Variants in MSRB3 observed in about 807,000 individuals in gnomAD.
The protein encoded by MSRB3 is methionine-R-sulfoxide reductase B3.
MSRB3 carries 13 observed loss-of-function variants against 21.0 expected under a neutral mutation model. The observed-to-expected ratio is 0.62, with a 90% CI of 0.40 to 0.98. MSRB3 has a LOEUF of 0.98. MSRB3 is among the 50% of genes least tolerant of loss of function. The pLI, the probability that MSRB3 is intolerant of heterozygous loss-of-function variation, is 0.00. For synonymous variants in MSRB3, 87 were observed against 88.6 expected (o/e 0.98, Z 0.10); for missense variants, 199 against 230.3 (o/e 0.86, Z 0.88).
rs1347872083 is a variant in MSRB3, at chr12:65,463,245, C to A, written c.481C>A (p.Pro161Thr). 1 of 1,614,202 alleles carries A rather than the reference C, an allele frequency of 6.2e-7. No homozygotes were observed. Among genetic ancestry groups the A allele is most frequent in the Admixed American group, 1.7e-5 (1 of 60,024 alleles). The change falls in exon 7 of 7, where the codon CCT becomes ACT. Residue 161 changes from proline (P) to threonine (T), a missense_variant. Coordinates refer to ENST00000308259, the MANE Select transcript of MSRB3 (RefSeq NM_001031679.3). ...AAATTCGGCTGCCTTGTCTTTTACACCTGCGGATAGCAGTGGCACCGCCGA... is the reference window on the plus strand; with the variant it reads ...AAATTCGGCTGCCTTGTCTTTTACAACTGCGGATAGCAGTGGCACCGCCGA... ...CINSAALSFTPADSSGTAEGG... is the reference protein window; with the variant it reads ...CINSAALSFTTADSSGTAEGG...
intron 4 of MSRB3, among the ~76,000 whole-genome samples, chr12:65,358,173 A>G (rs1877498287): frequency 6.6e-6 from 1 of 151,882 alleles, no homozygotes; most frequent in Admixed American, 6.6e-5. Context: ...ACTAGAGTAC[A>G]ATGGCATGAT....
At chr12:65,432,886 T>G (rs1300258766) in intron 5 of MSRB3, among the ~76,000 whole-genome samples, 1 of 151,980 alleles carries the variant, frequency 6.6e-6, no homozygotes, top group Non-Finnish European at 1.5e-5. Context: ...TGAGTAAATC[T>G]GAGATAAAGG....
At chr12:65,296,676 C>T (rs1435540186) in intron 1 of MSRB3, among the ~76,000 whole-genome samples, 1 of 152,140 alleles carries the variant, frequency 6.6e-6, no homozygotes, top group Admixed American at 6.5e-5. Flanking sequence ...GGACACTACG[C>T]ACAAAGATGA....
At chr12:65,461,256 T>A (rs1883317577) in intron 6 of MSRB3, among the ~76,000 whole-genome samples, 1 of 152,218 alleles carries the variant, frequency 6.6e-6, no homozygotes, top group Non-Finnish European at 1.5e-5. Flanking sequence ...GTGTTTCCTG[T>A]GTCCGTTGGG....
At chr12:65,355,502 C>T (rs1204172280) in intron 4 of MSRB3, among the ~76,000 whole-genome samples, 2 of 151,856 alleles carry the variant, frequency 1.3e-5, no homozygotes, top group Non-Finnish European at 2.9e-5. Context: ...CATTATCTTG[C>T]ATTGTACTTG....
At chr12:65,448,480 G>A (rs1882715933) in intron 5 of MSRB3, among the ~76,000 whole-genome samples, 2 of 152,162 alleles carry the variant, frequency 1.3e-5, no homozygotes, top group African/African-American at 2.4e-5. Flanking sequence ...GTAGGTATAA[G>A]TACTAAATCT....
chr12:65,463,306 A>T lies in MSRB3; in HGVS notation c.542A>T (p.Asp181Val), dbSNP rs778364262. Residue 181 changes from aspartate to valine, a missense_variant, in exon 7 of 7, where the codon GAC (aspartate) becomes GTC (valine). Asp to Val is a radical substitution (Grantham distance 152). Transcript: ENST00000308259. ...GGGGTCGCCAGCCCGGCCCAGGCAG[A>T]CAAAGCGGAGCTCTAGAGTAATGGA... ...GSGVASPAQA[D>V]KAEL The T allele has an allele frequency of 2.5e-6, 4 of 1,614,236 alleles. No homozygotes were observed. In the Admixed American group the frequency reaches 6.7e-5, roughly 27 times the overall value.
intron 6 of MSRB3, among the ~76,000 whole-genome samples, chr12:65,455,544 AG>A (rs1458635834): frequency 2.0e-5 from 3 of 152,142 alleles, no homozygotes; most frequent in Non-Finnish European, 4.4e-5. Flanking sequence ...TTTACAGTTG[AG>A]GAAACTGAGG....
chr12:65,296,455 T>C (rs1021197804), intron 1 of MSRB3, among the ~76,000 whole-genome samples: 6 of 152,330 alleles, frequency 3.9e-5, no homozygotes, highest in Non-Finnish European at 8.8e-5. Context: ...CAAAACTTAA[T>C]GAAGTACATG....
chr12:65,316,767 C>A (rs1174769437), intron 2 of MSRB3, among the ~76,000 whole-genome samples: 2 of 152,078 alleles, frequency 1.3e-5, no homozygotes, highest in Non-Finnish European at 2.9e-5. Flanking sequence ...TGAACACTTT[C>A]TCTTTTGTTT....
intron 5 of MSRB3, among the ~76,000 whole-genome samples, chr12:65,408,158 G>C (rs917406545): frequency 6.6e-6 from 1 of 151,762 alleles, no homozygotes; most frequent in African/African-American, 2.4e-5. Flanking sequence ...GCAATGGTGC[G>C]ATCTCAGCTC....
chr12:65,417,438 G>A (rs1272111012), intron 5 of MSRB3, among the ~76,000 whole-genome samples: 1 of 152,004 alleles, frequency 6.6e-6, no homozygotes, highest in Non-Finnish European at 1.5e-5. Context: ...TATGTGTTGT[G>A]GAATGGCTAA....
At chr12:65,306,746 A>G in intron 1 of MSRB3, 1 of 757,596 alleles carries the variant, frequency 1.3e-6, no homozygotes, top group Non-Finnish European at 1.6e-6. Flanking sequence ...ATTTGGGTAG[A>G]AATACAGGCA....
At chr12:65,439,676 C>T (rs565617052) in intron 5 of MSRB3, among the ~76,000 whole-genome samples, 2 of 151,170 alleles carry the variant, frequency 1.3e-5, no homozygotes, top group South Asian at 4.2e-4. Flanking sequence ...TCTTGAATAC[C>T]TTCATTATTA....
chr12:65,370,676 T>A (rs1878268945), intron 5 of MSRB3, among the ~76,000 whole-genome samples: 1 of 152,192 alleles, frequency 6.6e-6, no homozygotes, highest in South Asian at 2.1e-4. Flanking sequence ...AAAATAGTTA[T>A]AACAGCTGTA....
At chr12:65,307,474 G>A (rs1441649275) in intron 1 of MSRB3, among the ~76,000 whole-genome samples, 1 of 152,084 alleles carries the variant, frequency 6.6e-6, no homozygotes, top group Admixed American at 6.6e-5. Context: ...CGGGAAGCAG[G>A]GGAAGTGGTC....
intron 6 of MSRB3, among the ~76,000 whole-genome samples, chr12:65,454,487 C>T (rs1883004224): frequency 6.6e-6 from 1 of 152,002 alleles, no homozygotes; most frequent in South Asian, 2.1e-4. Context: ...TGATAATCTC[C>T]CTCTCCTTGC....
intron 4 of MSRB3, among the ~76,000 whole-genome samples, chr12:65,358,941 C>T (rs1396588786): frequency 6.6e-6 from 1 of 151,822 alleles, no homozygotes; most frequent in Non-Finnish European, 1.5e-5. Flanking sequence ...ATGCATTGGC[C>T]TCCCGTCACC....
At chr12:65,396,365 T>G (rs1280826348) in intron 5 of MSRB3, among the ~76,000 whole-genome samples, 4 of 152,220 alleles carry the variant, frequency 2.6e-5, no homozygotes, top group Non-Finnish European at 5.9e-5. Flanking sequence ...GAGCAGACAT[T>G]GTATTATTTC....
Sources: gnomAD v4.1 joint callset for allele counts (sites outside exome capture counted in the v4.1 genomes callset) on GRCh38, gnomAD v4.1.1 for gene constraint, MANE v1.5 for transcripts, NCBI Gene and HGNC (gene_info 2026-07-23, HGNC 2026-07-21) for gene names.